The following PLXDC2 variants were observed in gnomAD, a reference collection of about 807,000 sequenced individuals.
PLXDC2 encodes plexin domain containing 2.
A neutral mutation model predicts 68.9 loss-of-function variants in PLXDC2; 40 were observed. The observed-to-expected ratio is 0.58, with a 90% CI of 0.45 to 0.76. PLXDC2 has a LOEUF of 0.76. Among genes scored for constraint, PLXDC2 ranks in the 30% least tolerant of loss-of-function variants. The pLI is 0.00. For synonymous variants in PLXDC2, 243 were observed against 234.2 expected, an observed-to-expected ratio of 1.04 and a Z score of -0.34; for missense variants, 644 against 661.9, an observed-to-expected ratio of 0.97 and a Z score of 0.30.
intron 1 of PLXDC2, among the ~76,000 whole-genome samples, chr10:19,874,249 A>T (rs1837593840): frequency 6.6e-6 from 1 of 152,238 alleles, no homozygotes; most frequent in Admixed American, 6.5e-5. Context: ...GACATGCAGT[A>T]GACCTGCAGA....
At chr10:19,905,469 T>G (rs1416770610) in intron 1 of PLXDC2, among the ~76,000 whole-genome samples, 1 of 152,220 alleles carries the variant, frequency 6.6e-6, no homozygotes, top group African/African-American at 2.4e-5. Flanking sequence ...TTTGGGGTTC[T>G]CTTGTAAGAG....
chr10:19,840,459 G>C (rs1296311887), intron 1 of PLXDC2, among the ~76,000 whole-genome samples: 1 of 152,064 alleles, frequency 6.6e-6, no homozygotes, highest in Non-Finnish European at 1.5e-5. Flanking sequence ...TGTGGTGGCA[G>C]GCTCAGCCTT....
chr10:19,943,561 A>T lies in PLXDC2; in HGVS notation c.113-58214A>T, dbSNP rs564968169. Among the ~76,000 whole-genome samples, 20 of 152,306 alleles carry T rather than the reference A, an allele frequency of 1.3e-4. No individual in the cohort carries two copies. In the East Asian group the frequency reaches 1.5e-3, roughly 12 times the overall value. On this transcript the variant is annotated intron_variant, in intron 1 of 13. Coordinates refer to ENST00000377252, the MANE Select transcript of PLXDC2 (RefSeq NM_032812.9). ...GCATGGCTTTAATTTATTGGTCAAGACCTGTTGAAGCACAAAATTGCTGTG... is the reference window on the plus strand; with the variant it reads ...GCATGGCTTTAATTTATTGGTCAAGTCCTGTTGAAGCACAAAATTGCTGTG...
intron 2 of PLXDC2, among the ~76,000 whole-genome samples, chr10:20,011,211 G>C (rs972347393): frequency 4.6e-5 from 7 of 152,238 alleles, no homozygotes; most frequent in African/African-American, 1.7e-4. Flanking sequence ...AGTGGCCATT[G>C]AGTATGGGCT....
At chr10:20,269,985 T>C (rs1236352461) in intron 13 of PLXDC2, among the ~76,000 whole-genome samples, 1 of 151,926 alleles carries the variant, frequency 6.6e-6, no homozygotes, top group Non-Finnish European at 1.5e-5. Context: ...ACCACTGCAC[T>C]ACATCCTAGG....
intron 1 of PLXDC2, among the ~76,000 whole-genome samples, chr10:19,852,206 C>T (rs1837130288): frequency 6.6e-6 from 1 of 151,844 alleles, no homozygotes; most frequent in Non-Finnish European, 1.5e-5. Context: ...GATTTCGAGA[C>T]CAGCCTGGGC....
At chr10:20,039,745 A>G (rs905056352) in intron 2 of PLXDC2, among the ~76,000 whole-genome samples, 3 of 152,178 alleles carry the variant, frequency 2.0e-5, no homozygotes, top group Non-Finnish European at 4.4e-5. Flanking sequence ...TGTTTATTAT[A>G]AAAAAATTCA....
chr10:20,194,814 T>G (rs1257867754), intron 9 of PLXDC2, among the ~76,000 whole-genome samples: 1 of 122,722 alleles, frequency 8.1e-6, no homozygotes, highest in African/African-American at 3.1e-5. Context: ...AGGCCCCACT[T>G]GGACACAGGA....
At chr10:20,239,598 A>G (rs1247526177) in intron 12 of PLXDC2, among the ~76,000 whole-genome samples, 1 of 152,098 alleles carries the variant, frequency 6.6e-6, no homozygotes, top group Non-Finnish European at 1.5e-5. Context: ...CCATGATCCA[A>G]TCACCTCCCA....
intron 1 of PLXDC2, among the ~76,000 whole-genome samples, chr10:19,969,999 T>C (rs1220741175): frequency 1.3e-5 from 2 of 152,194 alleles, no homozygotes; most frequent in African/African-American, 2.4e-5. Context: ...AGTGGCTACA[T>C]TTTTAGTCTA....
chr10:19,859,286 A>G (rs1455771590), intron 1 of PLXDC2, among the ~76,000 whole-genome samples: 1 of 152,008 alleles, frequency 6.6e-6, no homozygotes, highest in African/African-American at 2.4e-5. Flanking sequence ...AAAACAAAAA[A>G]CAAACCATAT....
chr10:20,181,485 T>C (rs1478293383), intron 9 of PLXDC2, among the ~76,000 whole-genome samples: 2 of 151,986 alleles, frequency 1.3e-5, no homozygotes, highest in African/African-American at 2.4e-5. Flanking sequence ...AAAGAGCCAG[T>C]AGTTGTTCTT....
intron 13 of PLXDC2, among the ~76,000 whole-genome samples, chr10:20,277,479 G>C (rs1352037247): frequency 1.3e-5 from 2 of 152,068 alleles, no homozygotes; most frequent in African/African-American, 2.4e-5. Context: ...AAAGATCCTA[G>C]GGTTTTAGAG....
chr10:20,169,235 C>T (rs10827980), intron 7 of PLXDC2, among the ~76,000 whole-genome samples: 54,435 of 151,938 alleles, frequency 0.36, 11,004 homozygotes, highest in Non-Finnish European at 0.47. Flanking sequence ...TGTATTTTGA[C>T]AAATTGCTTT....
chr10:20,199,789 G>A (rs1185932837), intron 9 of PLXDC2, among the ~76,000 whole-genome samples: 1 of 151,862 alleles, frequency 6.6e-6, no homozygotes, highest in Non-Finnish European at 1.5e-5. Context: ...AATTAAATGT[G>A]TGTGACTACT....
intron 1 of PLXDC2, among the ~76,000 whole-genome samples, chr10:19,918,401 A>G (rs1212272591): frequency 6.6e-6 from 1 of 152,184 alleles, no homozygotes; most frequent in East Asian, 1.9e-4. Context: ...GGTAGAGTTC[A>G]AAGTCAGTCC....
rs1016579122 is a variant in PLXDC2 at position 19,818,318 on chromosome 10, C to A, written c.112+1127C>A. 4.7e-5 allele frequency among the ~76,000 whole-genome samples: 7 copies of A among 148,524 alleles called. No individual in the cohort carries two copies. In the East Asian group the frequency reaches 1.4e-3, roughly 30 times the overall value. On this transcript the variant is annotated intron_variant, in intron 1 of 13. Coordinates refer to ENST00000377252, the MANE Select transcript of PLXDC2 (RefSeq NM_032812.9). Reference sequence around the variant, plus strand: ...AAAGTATGCATGCGTCCTCAACAGTCAACTAGAGAGTCACAGATGGAAGGT... The same window carrying A: ...AAAGTATGCATGCGTCCTCAACAGTAAACTAGAGAGTCACAGATGGAAGGT...
intron 1 of PLXDC2, among the ~76,000 whole-genome samples, chr10:19,965,382 C>T (rs753855584): frequency 2.6e-5 from 4 of 152,052 alleles, no homozygotes; most frequent in Non-Finnish European, 4.4e-5. Context: ...TTTTTGGTGG[C>T]GGTAGGTACT....
At chr10:19,900,599 TTTTATTTA>T (rs1170684927) in intron 1 of PLXDC2, among the ~76,000 whole-genome samples, 4 of 151,996 alleles carry the variant, frequency 2.6e-5, no homozygotes, top group Non-Finnish European at 4.4e-5. Flanking sequence ...CAGGTTTCTT[TTTTATTTA>T]TTTATTTATT....
Sources: allele counts gnomAD v4.1 joint callset (sites outside exome capture counted in the v4.1 genomes callset), GRCh38; gene constraint gnomAD v4.1.1; transcripts MANE v1.5; gene names NCBI Gene and HGNC (gene_info 2026-07-23, HGNC 2026-07-21).